Variants in ZAP70 observed in about 807,000 individuals in gnomAD.
The protein encoded by ZAP70 is tyrosine-protein kinase ZAP-70.
In ZAP70, 27 loss-of-function variants were observed where a neutral mutation model predicts 65.8. The ratio of observed to expected loss-of-function variants is 0.41; its 90% CI spans 0.30 to 0.57. The LOEUF (loss-of-function observed/expected upper bound fraction) is 0.57. ZAP70 is among the 20% of genes least tolerant of loss of function. The pLI, the probability that ZAP70 is intolerant of heterozygous loss-of-function variation, is 0.28. For missense variants in ZAP70, 696 were observed against 870.5 expected, an observed-to-expected ratio of 0.80 and a Z score of 2.52; for synonymous variants, 363 against 360.8, an observed-to-expected ratio of 1.01 and a Z score of -0.07.
the ZAP70 span, among the ~76,000 whole-genome samples, chr2:97,747,811 C>T: frequency 2.9e-4 from 32 of 109,742 alleles, no homozygotes; most frequent in African/African-American, 1.1e-3. Flanking sequence ...TGTACTGGCA[C>T]GAGGTTTTTT....
At chr2:97,745,441 A>G in the ZAP70 span, among the ~76,000 whole-genome samples, 3 of 152,274 alleles carry the variant, frequency 2.0e-5, no homozygotes, top group African/African-American at 4.8e-5. Context: ...TTTAGTGTTT[A>G]GAATGCATAA....
intron 10 of ZAP70, 83 bp downstream of exon 10, chr2:97,735,539 C>CGT (rs1677839170): frequency 5.4e-6 from 8 of 1,490,048 alleles, no homozygotes; most frequent in Non-Finnish European, 6.3e-6. Context: ...CGCGTGCATG[C>CGT]GTGTGTGGGA....
At position 97,721,631 on chromosome 2, in the gene ZAP70, A is replaced by G. The variant is rs574612727; in HGVS notation, c.-21-2385A>G. On this transcript the variant is annotated intron_variant, in intron 2 of 13. Coordinates refer to ENST00000264972, the MANE Select transcript of ZAP70 (RefSeq NM_001079.4). ...GTATTTTTAGTAGAGACAGGGTTTC[A>G]CTGTGTTAGCCAGGATGGTCTTGGT... Among the ~76,000 whole-genome samples the G allele has an allele frequency of 2.5e-5, 3 of 118,386 alleles. No individual in the cohort carries two copies. The East Asian group carries it at 7.1e-4, about 28-fold the overall frequency. 77.7% of individuals were successfully genotyped at this position (118,386 alleles called of 152,430 possible). A position where few individuals can be genotyped will look rare whatever the true frequency, so the allele number is the denominator to read the frequency against.
chr2:97,734,568 G>T lies in ZAP70; in HGVS notation c.938G>T (p.Ser313Ile), dbSNP rs1333449768. ...DKPRPMPMDT[S>I]VYESPYSDPE... ...CCGCGGCCGATGCCCATGGACACGA[G>T]CGTGTATGAGAGCCCCTACAGCGAC... Residue 313 changes from serine (S) to isoleucine (I), a missense_variant, in exon 9 of 14, where the codon AGC becomes ATC. Physicochemically the swap from Ser to Ile is moderately radical, Grantham distance 142 (BLOSUM62 -2). Around this residue, in one of 3 missense-constraint regions of ZAP70, gnomAD observed 551 missense variants for 630.0 expected, o/e 0.87. Transcript: ENST00000264972. The T allele has an allele frequency of 6.2e-7, 1 of 1,614,198 alleles. No homozygotes were observed. Among genetic ancestry groups the T allele is most frequent in the South Asian group, 1.1e-5 (1 of 91,086 alleles).
chr2:97,734,900 T>TG, intron 9 of ZAP70, 188 bp downstream of exon 9: 1 of 721,660 alleles, frequency 1.4e-6, no homozygotes, highest in Admixed American at 2.5e-5. Flanking sequence ...GGGGGTGGGA[T>TG]GGGGCCTGGG....
chr2:97,733,231 C>G lies in ZAP70; in HGVS notation c.790+19C>G. 6.2e-7 allele frequency: 1 copy of G among 1,611,156 alleles called. No homozygotes were observed. Among genetic ancestry groups the G allele is most frequent in the Non-Finnish European group, 8.5e-7 (1 of 1,178,784 alleles). On this transcript the variant is annotated intron_variant, in intron 6 of 13. Coordinates refer to ENST00000264972, the MANE Select transcript of ZAP70 (RefSeq NM_001079.4). ...GCCTCAGGTGACGGCAGCAGGCGGG[C>G]GGGCGGTGGGCGGGGGCGGCAGGAG...
downstream of ZAP70, among the ~76,000 whole-genome samples, chr2:97,740,957 A>G (rs751470100): frequency 2.6e-5 from 4 of 152,176 alleles, no homozygotes; most frequent in African/African-American, 4.8e-5. Flanking sequence ...GGCTGCGAAG[A>G]CCCTGAGCTC....
the ZAP70 span, among the ~76,000 whole-genome samples, chr2:97,755,770 T>TGTC: frequency 6.6e-6 from 1 of 152,228 alleles, no homozygotes. Flanking sequence ...TCTCCTTTTC[T>TGTC]GTCTTCCTCT....
At chr2:97,725,605 A>G (rs1200511546) in intron 4 of ZAP70, among the ~76,000 whole-genome samples, 2 of 152,238 alleles carry the variant, frequency 1.3e-5, no homozygotes, top group Non-Finnish European at 1.5e-5. Flanking sequence ...CACTGAGCAC[A>G]CGGCAGTGAG....
chr2:97,732,083 C>T (rs1361199734), intron 4 of ZAP70, among the ~76,000 whole-genome samples: 1 of 152,078 alleles, frequency 6.6e-6, no homozygotes, highest in African/African-American at 2.4e-5. Context: ...TGTGTGTACT[C>T]AGGGCTGGAG....
downstream of ZAP70, among the ~76,000 whole-genome samples, chr2:97,740,465 T>G (rs1488865221): frequency 1.3e-5 from 2 of 152,230 alleles, no homozygotes; most frequent in African/African-American, 4.8e-5. Flanking sequence ...CTGAACGACT[T>G]ACATTATGTA....
Position 97,731,233 on chromosome 2 carries a change from C to T in ZAP70, c.564-1650C>T, listed in dbSNP as rs991156813. Among the ~76,000 whole-genome samples, 2 of 152,124 alleles carry T rather than the reference C, an allele frequency of 1.3e-5. No homozygotes were observed. Among genetic ancestry groups the T allele is most frequent in the Non-Finnish European group, 2.9e-5 (2 of 68,028 alleles). ...CATCACCTCCAGGCCAGCCTGCCAC[C>T]TGCCTCTGACTTCCACAGCTCTGAG... On this transcript the variant is annotated intron_variant, in intron 4 of 13. Transcript: ENST00000264972. The surrounding 1 kb of genome is among the most constrained non-coding windows in gnomAD (Gnocchi z 4.0).
downstream of ZAP70, among the ~76,000 whole-genome samples, chr2:97,743,109 G>A (rs1011263959): frequency 3.9e-5 from 6 of 152,126 alleles, no homozygotes; most frequent in Non-Finnish European, 2.9e-5. Flanking sequence ...AAGAAAAAAA[G>A]GGAGAAGAAA....
rs1317983009 is a variant in ZAP70 at position 97,736,918 on chromosome 2, C to T, written c.1290-555C>T. Among the ~76,000 whole-genome samples, 1 of 151,958 alleles carries T rather than the reference C, an allele frequency of 6.6e-6. No homozygotes were observed. The highest frequency in any genetic ancestry group is 2.4e-5 in the African/African-American group (1 of 41,348). ...TGACTCAGGGGCAGAGAGGACAAGA[C>T]AGTGGGAGACAGGAGGGAGCGAGGG... On this transcript the variant is annotated intron_variant, in intron 10 of 13. Transcript: ENST00000264972. The surrounding 1 kb of genome is among the most constrained non-coding windows in gnomAD (Gnocchi z 4.0).
intron 4 of ZAP70, among the ~76,000 whole-genome samples, chr2:97,727,488 G>GACCCTCGCCAAGATGTTAGTA (rs1363985812): frequency 2.0e-5 from 3 of 152,144 alleles, no homozygotes; most frequent in Non-Finnish European, 4.4e-5. Context: ...CCCCAGGTGT[G>GACCCTCGCCAAGATGTTAGTA]ACCCTCGCCA....
chr2:97,732,386 T>C (rs1203123561), intron 4 of ZAP70, among the ~76,000 whole-genome samples: 1 of 152,214 alleles, frequency 6.6e-6, no homozygotes, highest in Non-Finnish European at 1.5e-5. Context: ...GTGCTAGGTC[T>C]ACCTGTTGAA....
In ZAP70 at chr2:97,737,187, C is replaced by T. The variant is rs1346522313; in HGVS notation, c.1290-286C>T. Among the ~76,000 whole-genome samples the T allele has an allele frequency of 2.0e-5, 3 of 152,028 alleles. No individual in the cohort carries two copies. Among genetic ancestry groups the T allele is most frequent in the Non-Finnish European group, 4.4e-5 (3 of 67,990 alleles). On this transcript the variant is annotated intron_variant, in intron 10 of 13. Coordinates refer to ENST00000264972, the MANE Select transcript of ZAP70 (RefSeq NM_001079.4). This position sits in a 1 kb window ranked among gnomAD's most constrained non-coding sequence, Gnocchi z 5.0. ...ATCAGGCCACATTATCTTTGAGATG[C>T]CTGTGAGACCTCAGCACGTCGAGGG...
the ZAP70 span, among the ~76,000 whole-genome samples, chr2:97,747,640 T>C: frequency 1.1e-4 from 16 of 152,056 alleles, no homozygotes; most frequent in African/African-American, 3.9e-4. Context: ...TGATGAAATG[T>C]TCTGGAATGA....
the ZAP70 span, among the ~76,000 whole-genome samples, chr2:97,753,109 A>G: frequency 2.0e-5 from 3 of 152,238 alleles, no homozygotes; most frequent in African/African-American, 7.2e-5. Flanking sequence ...CCTTAAAGGA[A>G]TGTGATGATG....
Sources: allele counts gnomAD v4.1 joint callset (sites outside exome capture counted in the v4.1 genomes callset), GRCh38; gene constraint gnomAD v4.1.1; regional missense constraint gnomAD v4.1.1; non-coding constraint Gnocchi (gnomAD v3.1); transcripts MANE v1.5; gene names NCBI Gene and HGNC (gene_info 2026-07-23, HGNC 2026-07-21).